ZP4: variants seen among roughly 807,000 people sequenced by gnomAD.
The protein encoded by ZP4 is zona pellucida sperm-binding protein 4.
A neutral mutation model predicts 62.3 loss-of-function variants in ZP4; 62 were observed. That is an observed-to-expected ratio of 0.99 (90% CI 0.81 to 1.23). The LOEUF (loss-of-function observed/expected upper bound fraction) is 1.23, where lower values mean the gene tolerates loss of function less well. Ranked by LOEUF, ZP4 falls within the 50% of genes most tolerant of loss-of-function variation. The pLI, the probability that ZP4 is intolerant of heterozygous loss-of-function variation, is 0.00. For missense variants in ZP4, 774 were observed against 656.0 expected, an observed-to-expected ratio of 1.18 and a Z score of -1.97; for synonymous variants, 289 against 247.3, an observed-to-expected ratio of 1.17 and a Z score of -1.58.
chr1:237,883,639 AGGGC>A (rs1279166100), intron 10 of ZP4, among the ~76,000 whole-genome samples: 3 of 7,710 alleles, frequency 3.9e-4, no homozygotes, highest in African/African-American at 5.6e-4. Flanking sequence ...GGGGAGGGGG[AGGGC>A]GGGGGAGGGC....
intron 9 of ZP4, 45 bp downstream of exon 9, chr1:237,885,120 G>A (rs1348237263): frequency 6.3e-7 from 1 of 1,595,368 alleles, no homozygotes; most frequent in African/African-American, 1.3e-5. Flanking sequence ...TGTAAGTTGG[G>A]GAGGTTCAGA....
chr1:237,888,577 A>G (rs923668147), intron 3 of ZP4, 67 bp from the exon 4 acceptor site: 1 of 1,487,640 alleles, frequency 6.7e-7, no homozygotes, highest in Non-Finnish European at 9.1e-7. Flanking sequence ...CCATTTTGAT[A>G]CAAGTCATTG....
chr1:237,882,854 A>C lies in ZP4; in HGVS notation c.1391-8T>G, dbSNP rs1664949083. 3 of 1,611,320 alleles carry C rather than the reference A, an allele frequency of 1.9e-6. No homozygotes were observed. The highest frequency in any genetic ancestry group is 3.3e-5 in the Admixed American group (2 of 59,714). On this transcript the variant is annotated splice_region_variant and splice_polypyrimidine_tract_variant and intron_variant, in intron 10 of 11. Transcript: ENST00000366570. ...TGTCAAAATTTCTTCTTCCTGTTAG[A>C]GAAATGAGACCTAGTAATTCATTAG...
chr1:237,887,622 G>T, intron 4 of ZP4, 61 bp from the exon 5 acceptor site: 1 of 1,536,714 alleles, frequency 6.5e-7, no homozygotes, highest in Non-Finnish European at 8.8e-7. Context: ...AGAACCAGAT[G>T]AAAGTCTAAC....
rs753194560 is a variant in ZP4 at position 237,887,573 on chromosome 1, C to T, written c.554-12G>A. ...ACAATGCAAGGTCACTGAAACAGAG[C>T]AGCTGTGCTGAAGGCAGGTCATCTC... On this transcript the variant is annotated splice_polypyrimidine_tract_variant and intron_variant, in intron 4 of 11. Coordinates refer to ENST00000366570, the MANE Select transcript of ZP4 (RefSeq NM_021186.5). 6.2e-6 allele frequency: 10 copies of T among 1,611,046 alleles called. No homozygotes were observed. The highest frequency in any genetic ancestry group is 8.5e-6 in the Non-Finnish European group (10 of 1,178,478).
Position 237,890,149 on chromosome 1 carries a change from T to C in ZP4, c.203A>G (p.Gln68Arg), listed in dbSNP as rs369330526. The change falls in exon 2 of 12, where the codon CAG (glutamine) becomes CGG (arginine). Residue 68 changes from glutamine to arginine, a missense_variant. By Grantham distance (43) the Gln-to-Arg change is conservative. Transcript: ENST00000366570. ...WDNQGLLHEL[Q>R]NDSDCGTWIR... ...CCAGGTGCCACAGTCGGAGTCATTC[T>C]GCAGCTCGTGCAGCAGCCCTTGGTT... 4 of 1,614,114 alleles carry C rather than the reference T, an allele frequency of 2.5e-6. No individual in the cohort carries two copies. Among genetic ancestry groups the C allele is most frequent in the Non-Finnish European group, 3.4e-6 (4 of 1,180,026 alleles).
In ZP4 at chr1:237,889,811, C is replaced by T. The variant is rs12028492; in HGVS notation, c.400+56G>A. ...AGCAGGTCAGAGAGGACCAAGAGTACTTTCACACCCCACCCCCACCACCCC... is the reference window on the plus strand; with the variant it reads ...AGCAGGTCAGAGAGGACCAAGAGTATTTTCACACCCCACCCCCACCACCCC... On this transcript the variant is annotated intron_variant, in intron 3 of 11. Coordinates refer to ENST00000366570, the MANE Select transcript of ZP4 (RefSeq NM_021186.5). 1.9e-4 allele frequency: 292 copies of T among 1,515,902 alleles called. No homozygotes were observed. In the East Asian group the frequency reaches 5.6e-3, roughly 29 times the overall value. The allele number at this position is 1,515,902 out of a possible 1,614,324, so 93.9% of individuals were successfully genotyped here.
intron 10 of ZP4, among the ~76,000 whole-genome samples, chr1:237,884,044 A>T (rs1301987893): frequency 6.5e-5 from 8 of 122,674 alleles, no homozygotes; most frequent in Non-Finnish European, 1.3e-4. Flanking sequence ...ACACACACAA[A>T]CACACACAAA....
rs973009400 is a variant in ZP4, at chr1:237,886,947, G to A, written c.742-79C>T. Reference sequence around the variant, plus strand: ...GACTTGCATCTGGTCTAAGCCCTCAGCAATGCTACCCTGTTGTATGGTATA... The same window carrying A: ...GACTTGCATCTGGTCTAAGCCCTCAACAATGCTACCCTGTTGTATGGTATA... On this transcript the variant is annotated intron_variant, in intron 5 of 11. Coordinates refer to ENST00000366570, the MANE Select transcript of ZP4 (RefSeq NM_021186.5). The A allele has an allele frequency of 3.2e-5, 39 of 1,216,628 alleles. No homozygotes were observed. In the African/African-American group the frequency reaches 4.0e-4, roughly 12 times the overall value. The allele number at this position is 1,216,628 out of a possible 1,614,324, so 75.4% of individuals were successfully genotyped here.
intron 1 of ZP4, 87 bp downstream of exon 1, chr1:237,890,374 T>C: frequency 6.6e-7 from 1 of 1,518,264 alleles, no homozygotes; most frequent in South Asian, 1.3e-5. Context: ...AAGGTGAAAG[T>C]ATCAATACGG....
intron 5 of ZP4, 57 bp downstream of exon 5, chr1:237,887,317 G>A: frequency 6.3e-7 from 1 of 1,579,864 alleles, no homozygotes; most frequent in Non-Finnish European, 8.6e-7. Context: ...TCCCCCACTA[G>A]TCACTACAAC....
chr1:237,889,749 G>C, intron 3 of ZP4, 118 bp downstream of exon 3: 2 of 903,786 alleles, frequency 2.2e-6, no homozygotes, highest in Non-Finnish European at 3.6e-6. Context: ...GTTGGGACAT[G>C]ATCCTTCCTT....
In ZP4 at chr1:237,886,883, G is replaced by A. The variant is rs1665116428; in HGVS notation, c.742-15C>T. 6.2e-7 allele frequency: 1 copy of A among 1,605,818 alleles called. No individual in the cohort carries two copies. The highest frequency in any genetic ancestry group is 1.3e-5 in the African/African-American group (1 of 74,506). On this transcript the variant is annotated splice_polypyrimidine_tract_variant and intron_variant, in intron 5 of 11. Coordinates refer to ENST00000366570, the MANE Select transcript of ZP4 (RefSeq NM_021186.5). ...TCTCCAGTGATCTACAGGAATAGAT[G>A]GAGAAGTCTTGATCATTTCTGTTAG...
rs1449232873 is a variant in ZP4 at position 237,884,660 on chromosome 1, C to T, written c.1390+109G>A. 4.9e-6 allele frequency: 5 copies of T among 1,013,656 alleles called. No individual in the cohort carries two copies. The African/African-American group carries it at 6.4e-5, about 13-fold the overall frequency. The allele number at this position is 1,013,656 out of a possible 1,614,324, so 62.8% of individuals were successfully genotyped here. A position where few individuals can be genotyped will look rare whatever the true frequency, so the allele number is the denominator to read the frequency against. The stretch of plus-strand genomic sequence containing the variant: ...TGGCACCGCAAGTACTTAGAGAAGC[C>T]TTAGTAAGATGAATCTTCAGTTTGA... On this transcript the variant is annotated intron_variant, in intron 10 of 11. Transcript: ENST00000366570.
At chr1:237,884,971 T>C (rs1665060817) in intron 9 of ZP4, 124 bp from the exon 10 acceptor site, 2 of 1,236,020 alleles carry the variant, frequency 1.6e-6, no homozygotes, top group Non-Finnish European at 2.3e-6. Context: ...CAAGTTGATA[T>C]CACAATGGCA....
Position 237,890,104 on chromosome 1 carries a change from C to G in ZP4, c.248G>C (p.Ser83Thr), listed in dbSNP as rs186179199. The change falls in exon 2 of 12, where the codon AGC (serine) becomes ACC (threonine). Residue 83 changes from serine to threonine, a missense_variant. Physicochemically the swap from Ser to Thr is moderately conservative, Grantham distance 58 (BLOSUM62 1). Transcript: ENST00000366570. ...ATAGGTTGCCTCCAACACCACGGAG[C>G]TGCCTGGACCTTTTCTTATCCAGGT... The part of the protein sequence containing the change: ...CGTWIRKGPG[S>T]SVVLEATYSS... 12 of 1,614,150 alleles carry G rather than the reference C, an allele frequency of 7.4e-6. No individual in the cohort carries two copies. The Admixed American group carries it at 1.3e-4, about 18-fold the overall frequency.
In ZP4 at chr1:237,887,462, C is replaced by T. The variant is rs145191108; in HGVS notation, c.653G>A (p.Arg218Lys). 51 of 1,614,182 alleles carry T rather than the reference C, an allele frequency of 3.2e-5. No individual in the cohort carries two copies. In the East Asian group the frequency reaches 5.8e-4, roughly 18 times the overall value. ...CACAGGGTTACACGCACTGTCATTCCTAAGGGCCAAGCGCACAGAATCCAA... is the reference window on the plus strand; with the variant it reads ...CACAGGGTTACACGCACTGTCATTCTTAAGGGCCAAGCGCACAGAATCCAA... Reference protein sequence around the residue: ...LLLDSVRLALRNDSACNPVMA... With the variant: ...LLLDSVRLALKNDSACNPVMA... The change falls in exon 5 of 12, where the codon AGG (arginine) becomes AAG (lysine). Residue 218 changes from arginine (R) to lysine (K), a missense_variant. Physicochemically the swap from Arg to Lys is conservative, Grantham distance 26. Transcript: ENST00000366570.
At position 237,887,498 on chromosome 1, in the gene ZP4, G is replaced by A. The variant is rs1665132409; in HGVS notation, c.617C>T (p.Pro206Leu). ...GCGCACAGAATCCAAGAGCAGTGGT[G>A]GCGAGGTCACGTTCCGAGACACAGC... Reference protein sequence around the residue: ...SIAVSRNVTSPPLLLDSVRLA... With the variant: ...SIAVSRNVTSLPLLLDSVRLA... Residue 206 changes from proline (P) to leucine (L), a missense_variant, in exon 5 of 12, where the codon CCA becomes CTA. Physicochemically the swap from Pro to Leu is moderately conservative, Grantham distance 98. Coordinates refer to ENST00000366570, the MANE Select transcript of ZP4 (RefSeq NM_021186.5). 6.2e-7 allele frequency: 1 copy of A among 1,614,062 alleles called. No individual in the cohort carries two copies. The highest frequency in any genetic ancestry group is 8.5e-7 in the Non-Finnish European group (1 of 1,180,048).
chr1:237,882,878 A>G, intron 10 of ZP4, 32 bp from the exon 11 acceptor site: 1 of 1,590,202 alleles, frequency 6.3e-7, no homozygotes, highest in Non-Finnish European at 8.6e-7. Flanking sequence ...GTAATTCATT[A>G]GTTTTTGCAC....
Sources: gnomAD v4.1 joint callset for allele counts (sites outside exome capture counted in the v4.1 genomes callset) on GRCh38, gnomAD v4.1.1 for gene constraint, MANE v1.5 for transcripts, NCBI Gene and HGNC (gene_info 2026-07-23, HGNC 2026-07-21) for gene names.